Variants in NEDD4 observed in about 807,000 individuals in gnomAD.
NEDD4 encodes E3 ubiquitin-protein ligase NEDD4.
Under a neutral mutation model 144.9 loss-of-function variants are expected in NEDD4, and 99 were observed. That is an observed-to-expected ratio of 0.68 (90% confidence interval 0.58 to 0.81). The LOEUF (loss-of-function observed/expected upper bound fraction) is 0.81. Among genes scored for constraint, NEDD4 ranks in the 30% least tolerant of loss-of-function variants. The pLI, the probability that NEDD4 is intolerant of heterozygous loss-of-function variation, is 0.00. For synonymous variants in NEDD4, 318 were observed against 350.6 expected, an observed-to-expected ratio of 0.91 and a Z score of 1.04; for missense variants, 985 against 1,065.9, an observed-to-expected ratio of 0.92 and a Z score of 1.06.
intron 4 of NEDD4, among the ~76,000 whole-genome samples, chr15:55,931,673 T>C (rs1276031194): frequency 2.0e-5 from 3 of 152,216 alleles, no homozygotes; most frequent in African/African-American, 7.2e-5. Flanking sequence ...ATTGTGTTCA[T>C]AAAGAAACTG....
At chr15:55,855,167 C>T (rs997007279) in intron 12 of NEDD4, among the ~76,000 whole-genome samples, 4 of 152,202 alleles carry the variant, frequency 2.6e-5, no homozygotes, top group Non-Finnish European at 5.9e-5. Context: ...GTGTCCCTTT[C>T]TTAGTGCAGG....
Position 55,938,410 on chromosome 15 carries a change from C to G in NEDD4, c.237+12966G>C, listed in dbSNP as rs562152260. Among the ~76,000 whole-genome samples the G allele has an allele frequency of 6.6e-5, 10 of 151,918 alleles. No homozygotes were observed. In the East Asian group the frequency reaches 7.7e-4, roughly 12 times the overall value. ...GGCTTGGGAAAACTGGATATCCATACGCAAAAGAAAGAAATTGACCCTTAT... is the reference window on the plus strand; with the variant it reads ...GGCTTGGGAAAACTGGATATCCATAGGCAAAAGAAAGAAATTGACCCTTAT... On this transcript the variant is annotated intron_variant, in intron 4 of 28. Transcript: ENST00000435532.
At chr15:55,944,261 GGA>G (rs1247059139) in intron 4 of NEDD4, among the ~76,000 whole-genome samples, 1 of 152,212 alleles carries the variant, frequency 6.6e-6, no homozygotes, top group African/African-American at 2.4e-5. Context: ...AACTGTACCT[GGA>G]AAAACAGGAC....
At chr15:55,916,493 C>T (rs745697145) in intron 5 of NEDD4, 41 of 1,613,892 alleles carry the variant, frequency 2.5e-5, no homozygotes, top group Middle Eastern at 1.6e-4. Context: ...TACAAGTAAA[C>T]GAAGCATCAT....
intron 5 of NEDD4, among the ~76,000 whole-genome samples, chr15:55,914,479 T>C (rs1595838286): frequency 1.3e-5 from 2 of 151,904 alleles, no homozygotes; most frequent in East Asian, 1.9e-4. Context: ...TAAAGCTGAA[T>C]TGTCAAAAAA....
intron 23 of NEDD4, 53 bp from the exon 24 acceptor site, chr15:55,837,902 C>T: frequency 1.4e-6 from 2 of 1,411,286 alleles, no homozygotes; most frequent in South Asian, 2.4e-5. Context: ...AATTCTGAGG[C>T]ACAATTATTC....
At chr15:55,974,653 G>A (rs1002011463) in intron 1 of NEDD4, among the ~76,000 whole-genome samples, 2 of 151,720 alleles carry the variant, frequency 1.3e-5, no homozygotes, top group South Asian at 4.1e-4. Context: ...CAACAGAATG[G>A]AGGACAAAAC....
intron 4 of NEDD4, among the ~76,000 whole-genome samples, chr15:55,944,196 C>T (rs774278333): frequency 2.6e-5 from 4 of 152,184 alleles, no homozygotes; most frequent in African/African-American, 9.7e-5. Context: ...TGCCTCACCT[C>T]GGAAGTGCAA....
rs747569297 is a variant in NEDD4 at position 55,859,016 on chromosome 15, C to T, written c.960+1391G>A. Among the ~76,000 whole-genome samples the T allele has an allele frequency of 4.9e-4, 75 of 152,256 alleles. 1 individual carries two copies. The highest frequency in any genetic ancestry group is 3.4e-3 in the Middle Eastern group (1 of 294). On this transcript the variant is annotated intron_variant, in intron 11 of 28. Transcript: ENST00000435532. ...CTTTCCTCTGCACTAGAATGTAAGT[C>T]CCATGAAGGCAGGAGATATTGTTAA... is the stretch of plus-strand genomic sequence containing the variant.
In NEDD4 at chr15:55,838,585, G is replaced by C. The variant is rs2033321066; in HGVS notation, c.2051C>G (p.Ser684Cys). 1.2e-6 allele frequency: 2 copies of C among 1,610,848 alleles called. No individual in the cohort carries two copies. Among genetic ancestry groups the C allele is most frequent in the Non-Finnish European group, 1.7e-6 (2 of 1,177,930 alleles). Residue 684 changes from serine to cysteine, a missense_variant, in exon 22 of 29, where the codon TCC becomes TGC. Ser to Cys is a moderately radical substitution (Grantham distance 112, BLOSUM62 -1). Transcript: ENST00000435532. ...GTCATTTTCAAGAATCCATCTTAGGGAATTGTAATATTCACTATCCTAGAT... is the reference window on the plus strand; with the variant it reads ...GTCATTTTCAAGAATCCATCTTAGGCAATTGTAATATTCACTATCCTAGAT... The part of the protein sequence containing the change: ...MESVDSEYYN[S>C]LRWILENDPT...
chr15:55,860,289 T>C (rs2142032096), intron 11 of NEDD4, 118 bp downstream of exon 11: 1 of 970,854 alleles, frequency 1.0e-6, no homozygotes, highest in Non-Finnish European at 1.5e-6. Flanking sequence ...AGGTCCCTAA[T>C]GTATTATTAC....
At chr15:55,864,402 C>T (rs2034513036) in intron 8 of NEDD4, among the ~76,000 whole-genome samples, 1 of 151,946 alleles carries the variant, frequency 6.6e-6, no homozygotes, top group African/African-American at 2.4e-5. Flanking sequence ...AAAAAATAGG[C>T]CAGGTGCGGT....
At chr15:55,868,967 T>G (rs1415711331) in intron 8 of NEDD4, among the ~76,000 whole-genome samples, 1 of 152,128 alleles carries the variant, frequency 6.6e-6, no homozygotes, top group Non-Finnish European at 1.5e-5. Context: ...AGGATTCCAG[T>G]CTCCAAACCC....
intron 8 of NEDD4, among the ~76,000 whole-genome samples, chr15:55,866,902 C>T (rs75417626): frequency 0.14 from 21,168 of 152,160 alleles, 1,952 homozygotes; most frequent in Non-Finnish European, 0.21. Flanking sequence ...TATAAAATAA[C>T]TTTCTAAGTA....
At chr15:55,970,733 C>A (rs1348086042) in intron 1 of NEDD4, among the ~76,000 whole-genome samples, 1 of 152,174 alleles carries the variant, frequency 6.6e-6, no homozygotes, top group Non-Finnish European at 1.5e-5. Context: ...CCTTGGGGTA[C>A]CCCCTAATAT....
At chr15:55,865,196 T>A (rs974859640) in intron 8 of NEDD4, among the ~76,000 whole-genome samples, 3 of 47,010 alleles carry the variant, frequency 6.4e-5, no homozygotes, top group Admixed American at 2.5e-4. Flanking sequence ...AGACTCTGTC[T>A]CAAAAAAAAA....
chr15:55,850,885 G>A (rs1251613509), intron 13 of NEDD4, 143 bp from the exon 14 acceptor site: 3 of 620,900 alleles, frequency 4.8e-6, no homozygotes, highest in Non-Finnish European at 7.7e-6. Flanking sequence ...ATTTTCAAAT[G>A]TAGTTATGGC....
At chr15:55,926,332 G>C (rs1205157370) in intron 4 of NEDD4, among the ~76,000 whole-genome samples, 1 of 152,186 alleles carries the variant, frequency 6.6e-6, no homozygotes, top group African/African-American at 2.4e-5. Flanking sequence ...AGCTGGGAGA[G>C]ATGTCCCTTT....
At chr15:55,953,141 C>T (rs1271096087) in intron 2 of NEDD4, among the ~76,000 whole-genome samples, 2 of 151,900 alleles carry the variant, frequency 1.3e-5, no homozygotes, top group Non-Finnish European at 1.5e-5. Context: ...AGGCGCACAC[C>T]ACCACGCCCG....
Sources: gnomAD v4.1 joint callset for allele counts (sites outside exome capture counted in the v4.1 genomes callset) on GRCh38, gnomAD v4.1.1 for gene constraint, MANE v1.5 for transcripts, NCBI Gene and HGNC (gene_info 2026-07-23, HGNC 2026-07-21) for gene names.